The following DDX39A variants were observed in gnomAD, a reference collection of about 807,000 sequenced individuals.
DDX39A encodes DExD-box helicase 39A, also known as ATP-dependent RNA helicase DDX39A.
DDX39A carries 13 observed loss-of-function variants against 46.3 expected under a neutral mutation model. The ratio of observed to expected loss-of-function variants is 0.28; its 90% CI spans 0.18 to 0.45. DDX39A has a LOEUF of 0.45. Ranked by LOEUF, DDX39A falls within the 20% of genes least tolerant of loss-of-function variation. DDX39A has a pLI of 1.00. For missense variants in DDX39A, 352 were observed against 581.8 expected (o/e 0.61, Z 4.06); for synonymous variants, 234 against 224.6 (o/e 1.04, Z -0.38).
chr19:14,412,409 G>A lies in DDX39A; in HGVS notation c.336+142C>T. 8.5e-7 allele frequency: 1 copy of A among 1,181,922 alleles called. No individual in the cohort carries two copies. The highest frequency in any genetic ancestry group is 1.2e-6 in the Non-Finnish European group (1 of 845,524). 73.2% of individuals were successfully genotyped at this position (1,181,922 alleles called of 1,614,324 possible). A position where few individuals can be genotyped will look rare whatever the true frequency, so the allele number is the denominator to read the frequency against. ...AGTGGTGTGATCATAGCACACTGCA[G>A]CCTCGACTTCCTGGGCTCAAGCAAT... On this transcript the variant is annotated intron_variant, in intron 3 of 10. Coordinates refer to ENST00000242776, the MANE Select transcript of DDX39A (RefSeq NM_005804.4). The surrounding 1 kb of genome is among the most constrained non-coding windows in gnomAD (Gnocchi z 4.4).
intron 1 of DDX39A, among the ~76,000 whole-genome samples, chr19:14,414,967 C>A (rs1367648853): frequency 1.3e-5 from 2 of 149,862 alleles, no homozygotes; most frequent in African/African-American, 2.5e-5. Context: ...AGAAAAGCTT[C>A]ACAGAGATAT....
In DDX39A at chr19:14,410,291, G is replaced by C; in HGVS notation, c.657C>G (p.His219Gln). ...CGCTGAACATCATGCACTGCTTCTC[G>C]TGTGGTGTCAGGCGGAAGATCTCCT... is the stretch of plus-strand genomic sequence containing the variant. ...DVQEIFRLTP[H>Q]EKQCMMFSAT... The change falls in exon 6 of 11, where the codon CAC (histidine) becomes CAG (glutamine). Residue 219 changes from histidine to glutamine, a missense_variant. Coordinates refer to ENST00000242776, the MANE Select transcript of DDX39A (RefSeq NM_005804.4). The surrounding 1 kb of genome is among the most constrained non-coding windows in gnomAD (Gnocchi z 4.3). 1.2e-6 allele frequency: 2 copies of C among 1,614,108 alleles called. No individual in the cohort carries two copies. The highest frequency in any genetic ancestry group is 1.1e-5 in the South Asian group (1 of 91,076).
At position 14,408,848 on chromosome 19, in the gene DDX39A, A is replaced by C; in HGVS notation, c.*88T>G. On this transcript the variant is annotated 3_prime_UTR_variant, in exon 11 of 11. Coordinates refer to ENST00000242776, the MANE Select transcript of DDX39A (RefSeq NM_005804.4). Reference sequence around the variant, plus strand: ...ATAATAACAAGTTTATTCTCATACAATCTCTAGCTTCTCAACAGTGGCGCC... The same window carrying C: ...ATAATAACAAGTTTATTCTCATACACTCTCTAGCTTCTCAACAGTGGCGCC... 2 of 1,503,884 alleles carry C rather than the reference A, an allele frequency of 1.3e-6. No homozygotes were observed. The highest frequency in any genetic ancestry group is 4.6e-5 in the East Asian group (2 of 43,878). 93.2% of individuals were successfully genotyped at this position (1,503,884 alleles called of 1,614,324 possible).
chr19:14,410,359 G>A lies in DDX39A; in HGVS notation c.614-25C>T. ...TCTAGGTGGGGAGGGCAAGACATGGGTGGGCATGAGCGTCTGCCATGCAGG... is the reference window on the plus strand; with the variant it reads ...TCTAGGTGGGGAGGGCAAGACATGGATGGGCATGAGCGTCTGCCATGCAGG... On this transcript the variant is annotated intron_variant, in intron 5 of 10. Coordinates refer to ENST00000242776, the MANE Select transcript of DDX39A (RefSeq NM_005804.4). This position sits in a 1 kb window ranked among gnomAD's most constrained non-coding sequence, Gnocchi z 4.3. 3 of 1,600,178 alleles carry A rather than the reference G, an allele frequency of 1.9e-6. No homozygotes were observed. Among genetic ancestry groups the A allele is most frequent in the Non-Finnish European group, 1.7e-6 (2 of 1,167,748 alleles).
At position 14,411,391 on chromosome 19, in the gene DDX39A, C is replaced by T. The variant is rs1463722644; in HGVS notation, c.429+115G>A. 60 of 1,152,576 alleles carry T rather than the reference C, an allele frequency of 5.2e-5. No individual in the cohort carries two copies. In the South Asian group the frequency reaches 7.4e-4, roughly 14 times the overall value. The allele number at this position is 1,152,576 out of a possible 1,614,324, so 71.4% of individuals were successfully genotyped here. ...TTTAAGGAGCAAAAACCACCGCAAA[C>T]CTCAAAGGCAGCTGCCCCTGCCAAG... On this transcript the variant is annotated intron_variant, in intron 4 of 10. Coordinates refer to ENST00000242776, the MANE Select transcript of DDX39A (RefSeq NM_005804.4). This position sits in a 1 kb window ranked among gnomAD's most constrained non-coding sequence, Gnocchi z 4.1.
In DDX39A at chr19:14,410,458, A is replaced by G. The variant is rs1021194126; in HGVS notation, c.614-124T>C. 1 of 843,246 alleles carries G rather than the reference A, an allele frequency of 1.2e-6. No homozygotes were observed. Among genetic ancestry groups the G allele is most frequent in the African/African-American group, 1.6e-5 (1 of 60,680 alleles). 52.2% of individuals were successfully genotyped at this position (843,246 alleles called of 1,614,324 possible). A position where few individuals can be genotyped will look rare whatever the true frequency, so the allele number is the denominator to read the frequency against. On this transcript the variant is annotated intron_variant, in intron 5 of 10. Coordinates refer to ENST00000242776, the MANE Select transcript of DDX39A (RefSeq NM_005804.4). This position sits in a 1 kb window ranked among gnomAD's most constrained non-coding sequence, Gnocchi z 4.3. ...GCCAGTGGCACCGTGACGAGGGCAG[A>G]GTGAGCCGCGGGAGTGGCCAGTCCT...
chr19:14,410,468 G>A lies in DDX39A; in HGVS notation c.614-134C>T, dbSNP rs984452910. ...CCGTGACGAGGGCAGAGTGAGCCGCGGGAGTGGCCAGTCCTGGTGCCTGAG... is the reference window on the plus strand; with the variant it reads ...CCGTGACGAGGGCAGAGTGAGCCGCAGGAGTGGCCAGTCCTGGTGCCTGAG... On this transcript the variant is annotated intron_variant, in intron 5 of 10. Coordinates refer to ENST00000242776, the MANE Select transcript of DDX39A (RefSeq NM_005804.4). The surrounding 1 kb of genome is among the most constrained non-coding windows in gnomAD (Gnocchi z 4.3). 7 of 762,942 alleles carry A rather than the reference G, an allele frequency of 9.2e-6. No homozygotes were observed. The highest frequency in any genetic ancestry group is 2.6e-5 in the East Asian group (1 of 38,456). The allele number at this position is 762,942 out of a possible 1,614,324, so 47.3% of individuals were successfully genotyped here.
Position 14,410,738 on chromosome 19 carries a change from T to C in DDX39A, c.613+251A>G. The stretch of plus-strand genomic sequence containing the variant: ...ACCAACCCAACAGGTGGCAGAAGCC[T>C]CATACTCCCAGAGGTATGTGTGCAT... On this transcript the variant is annotated intron_variant, in intron 5 of 10. Coordinates refer to ENST00000242776, the MANE Select transcript of DDX39A (RefSeq NM_005804.4). This position sits in a 1 kb window ranked among gnomAD's most constrained non-coding sequence, Gnocchi z 4.3. 1.9e-6 allele frequency: 1 copy of C among 532,158 alleles called. No individual in the cohort carries two copies. Among genetic ancestry groups the C allele is most frequent in the Non-Finnish European group, 3.4e-6 (1 of 295,978 alleles). The allele number at this position is 532,158 out of a possible 1,614,324, so 33.0% of individuals were successfully genotyped here.
In DDX39A at chr19:14,415,596, C is replaced by T. The variant is rs575528600; in HGVS notation, c.-4-2372G>A. ...ACAGGTGTGAGCCACCACACCTGGC[C>T]TCATTTCTTTCCATGGTCACCTAAT... is the stretch of plus-strand genomic sequence containing the variant. On this transcript the variant is annotated intron_variant, in intron 1 of 10. Coordinates refer to ENST00000242776, the MANE Select transcript of DDX39A (RefSeq NM_005804.4). Among the ~76,000 whole-genome samples, 4 of 151,782 alleles carry T rather than the reference C, an allele frequency of 2.6e-5. No homozygotes were observed. The South Asian group carries it at 8.4e-4, about 32-fold the overall frequency.
At position 14,410,682 on chromosome 19, in the gene DDX39A, C is replaced by T. The variant is rs1216103028; in HGVS notation, c.613+307G>A. On this transcript the variant is annotated intron_variant, in intron 5 of 10. Transcript: ENST00000242776. This position sits in a 1 kb window ranked among gnomAD's most constrained non-coding sequence, Gnocchi z 4.3. ...CAAGCCCATCTCCCACCGGCCCTGT[C>T]GGGGCTCACTGAGGGCAGGCGGGGC... The T allele has an allele frequency of 1.7e-5, 9 of 515,332 alleles. 1 individual carries two copies. Among genetic ancestry groups the T allele is most frequent in the Middle Eastern group, 1.0e-3 (2 of 1,906 alleles). The allele number at this position is 515,332 out of a possible 1,614,324, so 31.9% of individuals were successfully genotyped here.
chr19:14,419,073 G>A (rs1027050492), intron 1 of DDX39A, 197 bp downstream of exon 1: 1 of 443,758 alleles, frequency 2.3e-6, no homozygotes, highest in Non-Finnish European at 4.5e-6. Context: ...GCGCGCCAAC[G>A]GCTGGCCCAC....
chr19:14,409,508 G>A lies in DDX39A; in HGVS notation c.974+28C>T, dbSNP rs1976467661. The A allele has an allele frequency of 6.2e-7, 1 of 1,610,172 alleles. No individual in the cohort carries two copies. The highest frequency in any genetic ancestry group is 8.5e-7 in the Non-Finnish European group (1 of 1,178,778). ...CACTGGGCTCCTGGTGGTGCTCCCT[G>A]CAGCCTTGGCGGGCGGCTCGCACTC... On this transcript the variant is annotated intron_variant, in intron 8 of 10. Coordinates refer to ENST00000242776, the MANE Select transcript of DDX39A (RefSeq NM_005804.4). This position sits in a 1 kb window ranked among gnomAD's most constrained non-coding sequence, Gnocchi z 8.3.
chr19:14,411,615 G>T lies in DDX39A; in HGVS notation c.337-17C>A. The T allele has an allele frequency of 6.6e-7, 1 of 1,515,288 alleles. No homozygotes were observed. Among genetic ancestry groups the T allele is most frequent in the Non-Finnish European group, 8.8e-7 (1 of 1,142,234 alleles). The allele number at this position is 1,515,288 out of a possible 1,614,324, so 93.9% of individuals were successfully genotyped here. ...GACCGTCACCTGGGAAGTGGCATAA[G>T]AAGAGGGCCTTACCTTAGGCAGTGT... On this transcript the variant is annotated splice_polypyrimidine_tract_variant and intron_variant, in intron 3 of 10. Coordinates refer to ENST00000242776, the MANE Select transcript of DDX39A (RefSeq NM_005804.4). This position sits in a 1 kb window ranked among gnomAD's most constrained non-coding sequence, Gnocchi z 4.1.
chr19:14,415,811 C>A (rs1314659747), intron 1 of DDX39A: 1 of 153,396 alleles, frequency 6.5e-6, no homozygotes, highest in African/African-American at 2.4e-5. Context: ...GTGGCTCACA[C>A]CTGTAATCCC....
rs1976552082 is a variant in DDX39A at position 14,410,745 on chromosome 19, C to A, written c.613+244G>T. On this transcript the variant is annotated intron_variant, in intron 5 of 10. Coordinates refer to ENST00000242776, the MANE Select transcript of DDX39A (RefSeq NM_005804.4). The surrounding 1 kb of genome is among the most constrained non-coding windows in gnomAD (Gnocchi z 4.3). ...CAACAGGTGGCAGAAGCCTCATACTCCCAGAGGTATGTGTGCATGCCTTTA... is the reference window on the plus strand; with the variant it reads ...CAACAGGTGGCAGAAGCCTCATACTACCAGAGGTATGTGTGCATGCCTTTA... 1 of 543,224 alleles carries A rather than the reference C, an allele frequency of 1.8e-6. No individual in the cohort carries two copies. The highest frequency in any genetic ancestry group is 3.3e-6 in the Non-Finnish European group (1 of 302,836). The allele number at this position is 543,224 out of a possible 1,614,324, so 33.7% of individuals were successfully genotyped here.
rs1976570191 is a variant in DDX39A at position 14,411,105 on chromosome 19, T to C, written c.497A>G (p.His166Arg). ...GCGGCCCGGGGTCCCCACCACGACA[T>C]GGGGACAGTTCTTCTTCAACACTTC... The part of the protein sequence containing the change: ...DEEVLKKNCP[H>R]VVVGTPGRIL... Residue 166 changes from histidine (H) to arginine (R), a missense_variant, in exon 5 of 11, where the codon CAT becomes CGT. Physicochemically the swap from His to Arg is conservative, Grantham distance 29. This residue lies in a region of DDX39A where 301 missense variants were observed against 469.9 expected (regional missense o/e 0.64). Coordinates refer to ENST00000242776, the MANE Select transcript of DDX39A (RefSeq NM_005804.4). The surrounding 1 kb of genome is among the most constrained non-coding windows in gnomAD (Gnocchi z 4.1). 1 of 1,611,380 alleles carries C rather than the reference T, an allele frequency of 6.2e-7. No homozygotes were observed. Among genetic ancestry groups the C allele is most frequent in the Non-Finnish European group, 8.5e-7 (1 of 1,179,032 alleles).
rs758178957 is a variant in DDX39A at position 14,409,393 on chromosome 19, G to A, written c.1029C>T (p.Thr343=). The A allele has an allele frequency of 2.5e-6, 4 of 1,614,208 alleles. No homozygotes were observed. Among genetic ancestry groups the A allele is most frequent in the Non-Finnish European group, 3.4e-6 (4 of 1,180,030 alleles). ...KDFQRRILVA[T]NLFGRGMDIE... ...TGTCCATCCCCCGGCCAAACAGATT[G>A]GTGGCCACCAGGATCCGCCGCTGGA... Residue 343 remains threonine (T), a synonymous_variant, in exon 9 of 11, where the codon ACC becomes ACT. Transcript: ENST00000242776. This position sits in a 1 kb window ranked among gnomAD's most constrained non-coding sequence, Gnocchi z 8.3.
At position 14,414,248 on chromosome 19, in the gene DDX39A, G is replaced by A. The variant is rs540261145; in HGVS notation, c.-4-1024C>T. On this transcript the variant is annotated intron_variant, in intron 1 of 10. Coordinates refer to ENST00000242776, the MANE Select transcript of DDX39A (RefSeq NM_005804.4). Reference sequence around the variant, plus strand: ...TCTCTCTCAACCTCCCTGTCCATGAGGCAGTGAATCCCACCAAGGCCCTCT... The same window carrying A: ...TCTCTCTCAACCTCCCTGTCCATGAAGCAGTGAATCCCACCAAGGCCCTCT... Among the ~76,000 whole-genome samples the A allele has an allele frequency of 1.2e-4, 18 of 151,920 alleles. 1 individual carries two copies. The South Asian group carries it at 3.7e-3, about 32-fold the overall frequency.
In DDX39A at chr19:14,409,823, C is replaced by T. The variant is rs1272689047; in HGVS notation, c.783G>A (p.Leu261=). ...DDETKLTLHG[L]QQYYVKLKDS... is the part of the protein sequence containing the mutation. ...CTTTGAGTTTGACGTAGTACTGCTG[C>T]AGGCCGTGCAGCGTGAGCTTGGTCT... Residue 261 remains leucine, a synonymous_variant, in exon 7 of 11, where the codon CTG becomes CTA. Transcript: ENST00000242776. The surrounding 1 kb of genome is among the most constrained non-coding windows in gnomAD (Gnocchi z 8.3). The T allele has an allele frequency of 2.5e-6, 4 of 1,614,150 alleles. No individual in the cohort carries two copies. Among genetic ancestry groups the T allele is most frequent in the African/African-American group, 2.7e-5 (2 of 75,056 alleles).
Sources: gnomAD v4.1 joint callset for allele counts (sites outside exome capture counted in the v4.1 genomes callset) on GRCh38, gnomAD v4.1.1 for gene constraint, gnomAD v4.1.1 regional missense constraint, Gnocchi (gnomAD v3.1) non-coding constraint, MANE v1.5 for transcripts, NCBI Gene and HGNC (gene_info 2026-07-23, HGNC 2026-07-21) for gene names.